The following KDM3A variants were observed in gnomAD, a reference collection of about 807,000 sequenced individuals.
The protein encoded by KDM3A is lysine-specific demethylase 3A.
In KDM3A, 60 loss-of-function variants were observed where a neutral mutation model predicts 158.0. That is an observed-to-expected ratio of 0.38 (90% CI 0.31 to 0.47). KDM3A has a LOEUF of 0.47. Among genes scored for constraint, KDM3A ranks in the 20% least tolerant of loss-of-function variants. KDM3A has a pLI of 0.99. For synonymous variants in KDM3A, 608 were observed against 549.3 expected (o/e 1.11, Z -1.49); for missense variants, 1,319 against 1,574.3 (o/e 0.84, Z 2.74).
intron 25 of KDM3A, chr2:86,491,763 G>C (rs1030903350): frequency 9.9e-6 from 4 of 405,590 alleles, no homozygotes; most frequent in African/African-American, 8.1e-5. Context: ...GCTGTACCTT[G>C]GAACTTGCCT....
In KDM3A at chr2:86,484,049, C is replaced by T. The variant is rs771055733; in HGVS notation, c.2985C>T (p.Phe995=). Residue 995 remains phenylalanine (F), a synonymous_variant, in exon 19 of 26, where the codon TTC becomes TTT. Coordinates refer to ENST00000312912, the MANE Select transcript of KDM3A (RefSeq NM_018433.6). ...LNSELWKPES[F]RKEFGEQEVD... Reference sequence around the variant, plus strand: ...CTGAACTTTGGAAACCTGAATCCTTCAGGAAAGAGTTTGGTGAGCAGGAAG... The same window carrying T: ...CTGAACTTTGGAAACCTGAATCCTTTAGGAAAGAGTTTGGTGAGCAGGAAG... The T allele has an allele frequency of 1.2e-6, 2 of 1,613,990 alleles. No individual in the cohort carries two copies. The highest frequency in any genetic ancestry group is 1.1e-5 in the South Asian group (1 of 91,066).
chr2:86,438,355 A>G (rs572950969), upstream of KDM3A, among the ~76,000 whole-genome samples: 307 of 152,188 alleles, frequency 2.0e-3, 1 homozygote, highest in African/African-American at 7.0e-3. Flanking sequence ...GAGTGGGGAG[A>G]TTGGGTAGAT....
At chr2:86,437,152 T>C (rs1487062249), upstream of KDM3A, among the ~76,000 whole-genome samples, 1 of 152,200 alleles carries the variant, frequency 6.6e-6, no homozygotes, top group East Asian at 1.9e-4. Flanking sequence ...ATATACTTTT[T>C]TTTTTTGAGA....
chr2:86,468,786 G>A (rs1226981197), intron 10 of KDM3A, among the ~76,000 whole-genome samples: 1 of 152,108 alleles, frequency 6.6e-6, no homozygotes, highest in Admixed American at 6.6e-5. Flanking sequence ...AGATAGATAC[G>A]TGGCTCCTCG....
intron 4 of KDM3A, 115 bp downstream of exon 4, chr2:86,451,328 T>C (rs1192194308): frequency 1.7e-6 from 1 of 592,606 alleles, no homozygotes; most frequent in East Asian, 2.9e-5. Context: ...GCCTACTCCT[T>C]GCACAGTAAA....
rs750098775 is a variant in KDM3A, at chr2:86,455,162, T to C, written c.531T>C (p.His177=). Residue 177 remains histidine, a synonymous_variant, in exon 5 of 26, where the codon CAT becomes CAC. Coordinates refer to ENST00000312912, the MANE Select transcript of KDM3A (RefSeq NM_018433.6). Reference sequence around the variant, plus strand: ...AATTTCAAGCTTTGATTGTGAAGCATTTAGATGAAAGCCATCTTTTAAAAG... The same window carrying C: ...AATTTCAAGCTTTGATTGTGAAGCACTTAGATGAAAGCCATCTTTTAAAAG... ...SKEFQALIVK[H]LDESHLLKGD... 4 of 1,601,998 alleles carry C rather than the reference T, an allele frequency of 2.5e-6. No individual in the cohort carries two copies. Among genetic ancestry groups the C allele is most frequent in the Non-Finnish European group, 2.6e-6 (3 of 1,172,546 alleles).
intron 4 of KDM3A, among the ~76,000 whole-genome samples, chr2:86,454,173 G>C (rs1672590868): frequency 6.6e-6 from 1 of 152,160 alleles, no homozygotes; most frequent in South Asian, 2.1e-4. Context: ...ATACTAGTTA[G>C]GTTAAATGAA....
intron 11 of KDM3A, among the ~76,000 whole-genome samples, chr2:86,474,136 A>T (rs559225062): frequency 2.3e-4 from 35 of 152,274 alleles, no homozygotes; most frequent in Non-Finnish European, 1.9e-4. Context: ...CTTGCTCTTA[A>T]GTGTCAAGTC....
chr2:86,465,101 T>G (rs1225246617), intron 9 of KDM3A, among the ~76,000 whole-genome samples: 1 of 152,144 alleles, frequency 6.6e-6, no homozygotes, highest in African/African-American at 2.4e-5. Flanking sequence ...GTGAAGTCCT[T>G]TGGTAGAGGC....
chr2:86,474,741 G>GTA, intron 11 of KDM3A, 35 bp from the exon 12 acceptor site: 2 of 1,058,934 alleles, frequency 1.9e-6, no homozygotes, highest in South Asian at 1.3e-5. Flanking sequence ...GTGTGTGTGT[G>GTA]TACATTACAT....
intron 4 of KDM3A, among the ~76,000 whole-genome samples, chr2:86,451,922 C>T (rs1180645455): frequency 6.6e-6 from 1 of 152,188 alleles, no homozygotes; most frequent in African/African-American, 2.4e-5. Context: ...TACATAGACA[C>T]TCATGCATAC....
chr2:86,461,033 C>T (rs1044354186), intron 8 of KDM3A, among the ~76,000 whole-genome samples: 4 of 151,908 alleles, frequency 2.6e-5, no homozygotes, highest in African/African-American at 2.4e-5. Context: ...AGAAAATTTT[C>T]GCAATGTTTT....
chr2:86,440,921 C>T (rs1234607285), upstream of KDM3A: 1 of 152,348 alleles, frequency 6.6e-6, no homozygotes, highest in Non-Finnish European at 1.5e-5. Flanking sequence ...AAGTGGAAGG[C>T]TCATCTTCGG....
chr2:86,449,682 G>C, intron 2 of KDM3A, 125 bp from the exon 3 acceptor site: 1 of 1,053,972 alleles, frequency 9.5e-7, no homozygotes, highest in African/African-American at 1.6e-5. Context: ...AGCTGGAAGG[G>C]GGAAAGCACA....
chr2:86,471,131 C>T (rs1032279330), intron 11 of KDM3A, among the ~76,000 whole-genome samples: 8 of 151,920 alleles, frequency 5.3e-5, no homozygotes, highest in East Asian at 3.9e-4. Flanking sequence ...GAGCATGCTC[C>T]CATGGTCTCT....
In KDM3A at chr2:86,466,620, C is replaced by G; in HGVS notation, c.1256C>G (p.Pro419Arg). 6.2e-7 allele frequency: 1 copy of G among 1,613,968 alleles called. No individual in the cohort carries two copies. ...ACTGGCCTTCCTAAGGAGTGCTTACCTACAAAGGCTTCTTCTAAGGCAGAA... is the reference window on the plus strand; with the variant it reads ...ACTGGCCTTCCTAAGGAGTGCTTACGTACAAAGGCTTCTTCTAAGGCAGAA... ...ALTGLPKECL[P>R]TKASSKAELE... The change falls in exon 10 of 26, where the codon CCT becomes CGT. Residue 419 changes from proline to arginine, a missense_variant. By Grantham distance (103) the Pro-to-Arg change is moderately radical. This residue lies in a region of KDM3A where 652 missense variants were observed against 627.2 expected (regional missense o/e 1.04). Coordinates refer to ENST00000312912, the MANE Select transcript of KDM3A (RefSeq NM_018433.6).
intron 5 of KDM3A, among the ~76,000 whole-genome samples, chr2:86,455,975 A>G (rs1672677827): frequency 6.7e-6 from 1 of 150,238 alleles, no homozygotes; most frequent in African/African-American, 2.4e-5. Context: ...AAAAAAAAAG[A>G]AAAGAAAAAA....
upstream of KDM3A, among the ~76,000 whole-genome samples, chr2:86,437,434 C>T (rs1682509968): frequency 6.6e-6 from 1 of 152,108 alleles, no homozygotes; most frequent in African/African-American, 2.4e-5. Context: ...AGTCACTGCG[C>T]CCGGCTTATA....
chr2:86,479,539 A>C (rs1478627679), intron 15 of KDM3A: 1 of 152,210 alleles, frequency 6.6e-6, no homozygotes, highest in African/African-American at 2.4e-5. Context: ...TCACAGAATT[A>C]CATCACATGT....
Sources: allele counts gnomAD v4.1 joint callset (sites outside exome capture counted in the v4.1 genomes callset), GRCh38; gene constraint gnomAD v4.1.1; regional missense constraint gnomAD v4.1.1; transcripts MANE v1.5; gene names NCBI Gene and HGNC (gene_info 2026-07-23, HGNC 2026-07-21).